The following FRMPD2 variants were observed in gnomAD, a reference collection of about 807,000 sequenced individuals.
FRMPD2 encodes the protein FERM and PDZ domain containing 2.
FRMPD2 carries 96 observed loss-of-function variants against 140.1 expected under a neutral mutation model. The ratio of observed to expected loss-of-function variants is 0.69; its 90% CI spans 0.58 to 0.81. The LOEUF is 0.81. FRMPD2 is among the 40% of genes least tolerant of loss of function. The pLI, the probability that FRMPD2 is intolerant of heterozygous loss-of-function variation, is 0.00. For missense variants in FRMPD2, 1,240 were observed against 1,447.4 expected (o/e 0.86, Z 2.32); for synonymous variants, 449 against 547.6 (o/e 0.82, Z 2.52).
intron 12 of FRMPD2, among the ~76,000 whole-genome samples, chr10:48,214,060 G>A (rs575275581): frequency 1.3e-5 from 2 of 152,228 alleles, no homozygotes; most frequent in Admixed American, 6.5e-5. Context: ...AGTAGCTGCC[G>A]AAAAGATCTG....
intron 1 of FRMPD2, among the ~76,000 whole-genome samples, chr10:48,273,041 GTATTTTA>G (rs1840796275): frequency 6.6e-6 from 1 of 152,102 alleles, no homozygotes; most frequent in Admixed American, 6.5e-5. Context: ...GTAATAAAGA[GTATTTTA>G]TATTTTATTA....
chr10:48,258,879 TA>T (rs1457207449), intron 1 of FRMPD2, among the ~76,000 whole-genome samples: 1 of 152,226 alleles, frequency 6.6e-6, no homozygotes, highest in Non-Finnish European at 1.5e-5. Flanking sequence ...AACTATTTTA[TA>T]AAAATTATTG....
chr10:48,252,892 C>T (rs1840416883), intron 1 of FRMPD2, among the ~76,000 whole-genome samples: 1 of 150,268 alleles, frequency 6.7e-6, no homozygotes, highest in Non-Finnish European at 1.5e-5. Flanking sequence ...TCCTTTCCTT[C>T]CTTTTCCTTT....
chr10:48,171,659 T>C (rs1382280835), intron 25 of FRMPD2, among the ~76,000 whole-genome samples: 3 of 152,266 alleles, frequency 2.0e-5, no homozygotes, highest in Admixed American at 1.3e-4. Context: ...ACATATTTTA[T>C]CCATTTAGAT....
At chr10:48,200,315 C>T (rs1233230771) in intron 15 of FRMPD2, among the ~76,000 whole-genome samples, 3 of 152,150 alleles carry the variant, frequency 2.0e-5, no homozygotes, top group African/African-American at 7.2e-5. Flanking sequence ...ACCAACCAAT[C>T]AGAGCTCACC....
chr10:48,233,381 A>G (rs1839899124), intron 9 of FRMPD2, among the ~76,000 whole-genome samples: 1 of 152,202 alleles, frequency 6.6e-6, no homozygotes, highest in African/African-American at 2.4e-5. Context: ...GACCACTCCC[A>G]AGATGGTTCT....
At chr10:48,255,069 A>T (rs1164615290) in intron 1 of FRMPD2, among the ~76,000 whole-genome samples, 1 of 152,110 alleles carries the variant, frequency 6.6e-6, no homozygotes, top group Non-Finnish European at 1.5e-5. Context: ...CTGGGAAAGC[A>T]TCCAGTCAAT....
At chr10:48,169,045 T>A (rs1838172524) in intron 26 of FRMPD2, among the ~76,000 whole-genome samples, 1 of 144,608 alleles carries the variant, frequency 6.9e-6, no homozygotes, top group Non-Finnish European at 1.5e-5. Flanking sequence ...CTCAAGGGAA[T>A]GGCAATATCT....
rs747340642 is a variant in FRMPD2 at position 48,236,488 on chromosome 10, C to T, written c.987G>A (p.Ser329=). The change falls in exon 9 of 29, where the codon TCG becomes TCA. Residue 329 remains serine, a synonymous_variant. Coordinates refer to ENST00000374201, the MANE Select transcript of FRMPD2 (RefSeq NM_001018071.4). The part of the protein sequence containing the change: ...EAPMTLHLPG[S]VVTKKGKSYL... ...AGTCTAGCCCAGTAGTTACCACAAC[C>T]GATCCCGGCAGATGTAGTGTCATCG... The T allele has an allele frequency of 2.5e-5, 40 of 1,614,030 alleles. No homozygotes were observed. Among genetic ancestry groups the T allele is most frequent in the South Asian group, 1.2e-4 (11 of 91,090 alleles).
chr10:48,244,721 G>A, intron 4 of FRMPD2, 63 bp downstream of exon 4: 3 of 1,291,846 alleles, frequency 2.3e-6, no homozygotes, highest in Non-Finnish European at 2.3e-6. Flanking sequence ...CTGCCCAGGA[G>A]AAAACCACTA....
chr10:48,182,844 T>A (rs1838584258), intron 20 of FRMPD2, among the ~76,000 whole-genome samples: 1 of 152,180 alleles, frequency 6.6e-6, no homozygotes, highest in South Asian at 2.1e-4. Flanking sequence ...TGACAACACA[T>A]GGGATGGTTT....
chr10:48,251,837 C>T (rs142089978), intron 1 of FRMPD2, 146 bp from the exon 2 acceptor site: 4 of 851,136 alleles, frequency 4.7e-6, no homozygotes, highest in Non-Finnish European at 7.3e-6. Flanking sequence ...TCCCTGGGGT[C>T]AGGCACAGAG....
At chr10:48,234,848 G>A (rs1366887615) in intron 9 of FRMPD2, among the ~76,000 whole-genome samples, 1 of 152,138 alleles carries the variant, frequency 6.6e-6, no homozygotes, top group East Asian at 1.9e-4. Flanking sequence ...CCCATCGCCT[G>A]GAGTCTTGGT....
intron 16 of FRMPD2, among the ~76,000 whole-genome samples, chr10:48,190,245 C>A (rs372203465): frequency 1.1e-4 from 16 of 152,222 alleles, no homozygotes; most frequent in African/African-American, 3.6e-4. Context: ...CATCCTGGCT[C>A]AGGTGTGGCC....
chr10:48,256,172 T>G (rs1359502493), intron 1 of FRMPD2, among the ~76,000 whole-genome samples: 1 of 151,998 alleles, frequency 6.6e-6, no homozygotes, highest in African/African-American at 2.4e-5. Context: ...GTCCTGTAAG[T>G]GGAGATGGTT....
chr10:48,167,514 T>C (rs1838127531), intron 27 of FRMPD2, among the ~76,000 whole-genome samples: 1 of 101,944 alleles, frequency 9.8e-6, no homozygotes, highest in African/African-American at 3.8e-5. Context: ...CCCTCCAGAA[T>C]CAGCTGAGGC....
intron 16 of FRMPD2, 40 bp from the exon 17 acceptor site, chr10:48,187,332 C>T (rs375274290): frequency 1.8e-5 from 28 of 1,571,252 alleles, no homozygotes; most frequent in South Asian, 3.4e-5. Context: ...AGGTGGCCCA[C>T]GGGGAAGGAC....
Position 48,221,313 on chromosome 10 carries a change from A to G in FRMPD2, c.1455+1000T>C, listed in dbSNP as rs537639803. On this transcript the variant is annotated intron_variant, in intron 12 of 28. Coordinates refer to ENST00000374201, the MANE Select transcript of FRMPD2 (RefSeq NM_001018071.4). ...AGCCTAGGTGGAATTAGAGACCATT[A>G]TTCTAAGTGAAGTAACTCAGGAATG... is the stretch of plus-strand genomic sequence containing the variant. Among the ~76,000 whole-genome samples, 3 of 152,340 alleles carry G rather than the reference A, an allele frequency of 2.0e-5. No individual in the cohort carries two copies. In the South Asian group the frequency reaches 6.2e-4, roughly 32 times the overall value.
intron 1 of FRMPD2, among the ~76,000 whole-genome samples, chr10:48,258,625 C>T (rs1291128637): frequency 1.3e-5 from 2 of 152,284 alleles, no homozygotes; most frequent in Admixed American, 6.5e-5. Flanking sequence ...ATCTTGCATT[C>T]GTAGATGAGA....
Sources: allele counts gnomAD v4.1 joint callset (sites outside exome capture counted in the v4.1 genomes callset), GRCh38; gene constraint gnomAD v4.1.1; transcripts MANE v1.5; gene names NCBI Gene and HGNC (gene_info 2026-07-23, HGNC 2026-07-21).